MTUS2: variants seen among roughly 807,000 people sequenced by gnomAD.
MTUS2 encodes the protein microtubule associated scaffold protein 2, also known as microtubule-associated tumor suppressor candidate 2.
A neutral mutation model predicts 114.1 loss-of-function variants in MTUS2; 40 were observed. That is an observed-to-expected ratio of 0.35 (90% CI 0.27 to 0.46). The LOEUF (loss-of-function observed/expected upper bound fraction) is 0.46. Ranked by LOEUF, MTUS2 falls within the 20% of genes least tolerant of loss-of-function variation. The pLI is 1.00. For synonymous variants in MTUS2, 688 were observed against 672.0 expected (o/e 1.02, Z -0.37); for missense variants, 1,679 against 1,705.4 (o/e 0.98, Z 0.27).
At chr13:29,335,852 A>G (rs1435047521) in intron 7 of MTUS2, among the ~76,000 whole-genome samples, 1 of 152,178 alleles carries the variant, frequency 6.6e-6, no homozygotes, top group Non-Finnish European at 1.5e-5. Flanking sequence ...CTTTTCATGT[A>G]GTCCCATATT....
intron 2 of MTUS2, among the ~76,000 whole-genome samples, chr13:28,959,173 C>T (rs1355411328): frequency 6.6e-6 from 1 of 152,178 alleles, no homozygotes; most frequent in Non-Finnish European, 1.5e-5. Flanking sequence ...GCCAGAAGAC[C>T]AGGAAAGGAG....
At chr13:28,984,688 A>G (rs753420758) in intron 2 of MTUS2, among the ~76,000 whole-genome samples, 30 of 152,360 alleles carry the variant, frequency 2.0e-4, no homozygotes, top group Non-Finnish European at 3.5e-4. Flanking sequence ...AATACTTTCT[A>G]TAAAACCATC....
intron 9 of MTUS2, among the ~76,000 whole-genome samples, chr13:29,460,992 G>T (rs1879448505): frequency 6.6e-6 from 1 of 152,080 alleles, no homozygotes; most frequent in Non-Finnish European, 1.5e-5. Flanking sequence ...TTTCTTAGGG[G>T]TGTCTTAGTC....
At chr13:29,190,393 C>T (rs779019174) in intron 5 of MTUS2, among the ~76,000 whole-genome samples, 4 of 152,142 alleles carry the variant, frequency 2.6e-5, no homozygotes, top group Non-Finnish European at 5.9e-5. Context: ...AGACACCTGC[C>T]CACATTTATA....
intron 3 of MTUS2, among the ~76,000 whole-genome samples, chr13:29,028,187 C>T (rs1018932994): frequency 2.0e-5 from 3 of 151,810 alleles, no homozygotes; most frequent in Non-Finnish European, 2.9e-5. Context: ...CCCGTCTCTA[C>T]TAAAAATACA....
At chr13:29,037,494 G>A (rs1299395266) in intron 4 of MTUS2, among the ~76,000 whole-genome samples, 2 of 152,058 alleles carry the variant, frequency 1.3e-5, no homozygotes, top group Non-Finnish European at 2.9e-5. Context: ...GTGTCTTGGG[G>A]TTGCTCTTCT....
chr13:29,168,888 C>CTGTGTGTGTGTGTGTG (rs57636866), intron 5 of MTUS2, among the ~76,000 whole-genome samples: 20,130 of 138,282 alleles, frequency 0.15, 2,034 homozygotes, highest in African/African-American at 0.25. Flanking sequence ...CTTTATGAAT[C>CTGTGTGTGTGTGTGTG]TGTGTGTGTG....
At chr13:29,008,416 TC>T (rs1399667435) in intron 2 of MTUS2, among the ~76,000 whole-genome samples, 1 of 152,194 alleles carries the variant, frequency 6.6e-6, no homozygotes, top group Non-Finnish European at 1.5e-5. Flanking sequence ...CTTCTGTCTT[TC>T]TGTTCCAATC....
intron 2 of MTUS2, among the ~76,000 whole-genome samples, chr13:28,874,549 G>C (rs1388710201): frequency 6.6e-6 from 1 of 152,142 alleles, no homozygotes; most frequent in African/African-American, 2.4e-5. Context: ...ATGGCTGGCT[G>C]TTGGCTTGGG....
At chr13:29,035,917 G>A (rs1283187722) in intron 4 of MTUS2, among the ~76,000 whole-genome samples, 1 of 152,088 alleles carries the variant, frequency 6.6e-6, no homozygotes, top group Non-Finnish European at 1.5e-5. Context: ...GACTGAGGTG[G>A]ACGGATCGCT....
At chr13:28,918,274 T>C (rs1880856489) in intron 2 of MTUS2, among the ~76,000 whole-genome samples, 1 of 152,000 alleles carries the variant, frequency 6.6e-6, no homozygotes, top group African/African-American at 2.4e-5. Context: ...AAATGGGGTA[T>C]TGAAGTCTCC....
At chr13:28,917,601 G>C (rs1388052279) in intron 2 of MTUS2, among the ~76,000 whole-genome samples, 2 of 150,518 alleles carry the variant, frequency 1.3e-5, no homozygotes, top group Non-Finnish European at 3.0e-5. Flanking sequence ...TATTTGTTCG[G>C]GTAGTCTCTC....
chr13:29,230,171 A>T (rs1223850944), intron 5 of MTUS2, among the ~76,000 whole-genome samples: 1 of 152,210 alleles, frequency 6.6e-6, no homozygotes, highest in Non-Finnish European at 1.5e-5. Flanking sequence ...GAGTGAACCC[A>T]GGAGGCGGAG....
chr13:28,884,800 G>A (rs1878496648), intron 2 of MTUS2, among the ~76,000 whole-genome samples: 2 of 152,094 alleles, frequency 1.3e-5, no homozygotes, highest in Admixed American at 1.3e-4. Context: ...GTGAATGAAT[G>A]TATAGTCATT....
At chr13:29,284,402 TAA>T (rs565944585) in intron 6 of MTUS2, among the ~76,000 whole-genome samples, 1 of 148,872 alleles carries the variant, frequency 6.7e-6, no homozygotes, top group African/African-American at 2.5e-5. Context: ...AGCTATTTTT[TAA>T]AAAAAAAAAA....
intron 5 of MTUS2, among the ~76,000 whole-genome samples, chr13:29,103,308 A>G (rs1447125948): frequency 6.6e-6 from 1 of 152,246 alleles, no homozygotes; most frequent in Non-Finnish European, 1.5e-5. Flanking sequence ...TAGATGACAT[A>G]GCCTACTACA....
intron 5 of MTUS2, among the ~76,000 whole-genome samples, chr13:29,196,157 C>T (rs553941087): frequency 7.3e-5 from 11 of 150,012 alleles, no homozygotes; most frequent in Admixed American, 1.3e-4. Flanking sequence ...AGTGCAGTGG[C>T]GCGATCTCAG....
chr13:28,950,825 T>TGGA (rs1242878632), intron 2 of MTUS2, among the ~76,000 whole-genome samples: 1 of 152,190 alleles, frequency 6.6e-6, no homozygotes, highest in Non-Finnish European at 1.5e-5. Flanking sequence ...TATCAAAATG[T>TGGA]GACATGGAGA....
At chr13:28,902,530 T>C (rs1447601957) in intron 2 of MTUS2, among the ~76,000 whole-genome samples, 4 of 152,122 alleles carry the variant, frequency 2.6e-5, no homozygotes, top group African/African-American at 9.7e-5. Context: ...GCTGAGAGTA[T>C]TTGTCATGAG....
Sources: gnomAD v4.1 joint callset for allele counts (sites outside exome capture counted in the v4.1 genomes callset) on GRCh38, gnomAD v4.1.1 for gene constraint, MANE v1.5 for transcripts, NCBI Gene and HGNC (gene_info 2026-07-23, HGNC 2026-07-21) for gene names.